The following CCDC171 variants were observed in gnomAD, a reference collection of about 807,000 sequenced individuals.
The protein encoded by CCDC171 is coiled-coil domain-containing protein 171.
In CCDC171, 177 loss-of-function variants were observed where a neutral mutation model predicts 168.2. That is an observed-to-expected ratio of 1.05 (90% CI 0.93 to 1.19). CCDC171 has a LOEUF of 1.19. Ranked by LOEUF, CCDC171 falls within the 50% of genes most tolerant of loss-of-function variation. The probability of loss-of-function intolerance (pLI) is 0.00; values close to 1 mark genes in which losing one functional copy is unlikely to be tolerated. For synonymous variants in CCDC171, 687 were observed against 540.8 expected (o/e 1.27, Z -3.75); for missense variants, 1,991 against 1,539.0 (o/e 1.29, Z -4.91).
At chr9:16,083,270 G>C in the CCDC171 span, among the ~76,000 whole-genome samples, 1 of 152,092 alleles carries the variant, frequency 6.6e-6, no homozygotes. Context: ...AGCATACACT[G>C]TTATCCCTGC....
chr9:15,752,046 C>G (rs1266568373), intron 18 of CCDC171, among the ~76,000 whole-genome samples: 2 of 152,076 alleles, frequency 1.3e-5, no homozygotes, highest in Admixed American at 6.5e-5. Flanking sequence ...CTACAAAGAA[C>G]TTAAACAAAT....
rs1358922382 is a variant in CCDC171 at position 15,568,748 on chromosome 9, TG to T, written c.42-2875del. Among the ~76,000 whole-genome samples, 6 of 149,444 alleles carry T rather than the reference TG, an allele frequency of 4.0e-5. No homozygotes were observed. The East Asian group carries it at 1.2e-3, about 29-fold the overall frequency. On this transcript the variant is annotated intron_variant, in intron 2 of 25. Transcript: ENST00000380701. ...TTTATGTCCTTTGCCCACTTTTTAA[TG>T]TTTTTTTTTCTTGTAAATTTGTTTA...
intron 7 of CCDC171, 62 bp downstream of exon 7, chr9:15,623,475 G>GCTCACACACACACA: frequency 6.4e-6 from 2 of 311,464 alleles, no homozygotes; most frequent in Non-Finnish European, 1.2e-5. Context: ...GCGCGCGCGC[G>GCTCACACACACACA]CACACACACA....
At chr9:15,936,302 A>G (rs1044696995) in intron 25 of CCDC171, among the ~76,000 whole-genome samples, 1 of 152,044 alleles carries the variant, frequency 6.6e-6, no homozygotes, top group South Asian at 2.1e-4. Flanking sequence ...GCACCAAGCC[A>G]CAAAAAAAAA....
chr9:16,091,148 T>C, the CCDC171 span, among the ~76,000 whole-genome samples: 1 of 152,162 alleles, frequency 6.6e-6, no homozygotes, highest in African/African-American at 2.4e-5. Flanking sequence ...GCTGCCTGAT[T>C]AGTCTGCTAG....
At chr9:15,665,094 C>T (rs1014464307) in intron 8 of CCDC171, among the ~76,000 whole-genome samples, 2 of 152,086 alleles carry the variant, frequency 1.3e-5, no homozygotes, top group African/African-American at 4.8e-5. Flanking sequence ...CTCTTACCTC[C>T]TGGAACTCTC....
chr9:15,591,769 G>T (rs1014007241), intron 5 of CCDC171, among the ~76,000 whole-genome samples: 1 of 151,880 alleles, frequency 6.6e-6, no homozygotes. Context: ...GTTTGCGGTC[G>T]CTAATCAAAA....
intron 21 of CCDC171, among the ~76,000 whole-genome samples, chr9:15,834,091 A>G (rs2060343457): frequency 6.6e-6 from 1 of 152,200 alleles, no homozygotes; most frequent in Non-Finnish European, 1.5e-5. Flanking sequence ...ATTAATAAAT[A>G]GTACATTGTA....
chr9:15,829,304 A>C (rs1237111080), intron 21 of CCDC171, among the ~76,000 whole-genome samples: 1 of 152,198 alleles, frequency 6.6e-6, no homozygotes, highest in African/African-American at 2.4e-5. Flanking sequence ...TTGAGGGATT[A>C]GCAAAGGCAG....
the CCDC171 span, among the ~76,000 whole-genome samples, chr9:16,087,082 G>A: frequency 6.6e-6 from 1 of 152,206 alleles, no homozygotes. Context: ...TGATTGCACT[G>A]TGGTCTGAGA....
At chr9:15,900,619 T>C (rs916988323) in intron 24 of CCDC171, among the ~76,000 whole-genome samples, 1 of 152,224 alleles carries the variant, frequency 6.6e-6, no homozygotes, top group East Asian at 1.9e-4. Context: ...TAATTTGTTA[T>C]GCAGCATGCA....
At chr9:15,947,200 C>T (rs1828509906) in intron 25 of CCDC171, among the ~76,000 whole-genome samples, 1 of 151,844 alleles carries the variant, frequency 6.6e-6, no homozygotes, top group Non-Finnish European at 1.5e-5. Flanking sequence ...ATTATAGTTG[C>T]ATATATATCA....
chr9:15,871,478 G>GC (rs145087287), intron 23 of CCDC171, among the ~76,000 whole-genome samples: 54,480 of 151,260 alleles, frequency 0.36, 12,199 homozygotes, highest in East Asian at 0.63. Context: ...TTTCCTTTTA[G>GC]GAAAAAAATA....
intron 22 of CCDC171, among the ~76,000 whole-genome samples, chr9:15,847,577 G>A (rs1051591903): frequency 1.3e-5 from 2 of 151,898 alleles, no homozygotes; most frequent in African/African-American, 4.8e-5. Context: ...ACAACAGCAT[G>A]GCTTAAAGAA....
At chr9:15,765,395 A>C (rs1056879962) in intron 18 of CCDC171, among the ~76,000 whole-genome samples, 15 of 152,168 alleles carry the variant, frequency 9.9e-5, no homozygotes, top group Admixed American at 5.9e-4. Flanking sequence ...GAGGGAAGGC[A>C]CAATTGGCAG....
chr9:16,059,861 A>C, intron 1 of CCDC171, among the ~76,000 whole-genome samples: 6 of 151,688 alleles, frequency 4.0e-5, no homozygotes, highest in Non-Finnish European at 8.8e-5. Context: ...CTTGCAAGTG[A>C]GTGAGTCAGT....
rs1823014086 is a variant in CCDC171, at chr9:15,908,189, T to G, written c.3601-12081T>G. Among the ~76,000 whole-genome samples, 2 of 152,068 alleles carry G rather than the reference T, an allele frequency of 1.3e-5. 1 individual carries two copies. The highest frequency in any genetic ancestry group is 4.8e-5 in the African/African-American group (2 of 41,394). ...CAAAGGACTATAAATCATGCTGCTA[T>G]AAAGACACATGCACACGTATGTTTA... is the stretch of plus-strand genomic sequence containing the variant. On this transcript the variant is annotated intron_variant, in intron 24 of 25. Coordinates refer to ENST00000380701, the MANE Select transcript of CCDC171 (RefSeq NM_173550.4).
At chr9:15,683,640 T>C (rs2050188621) in intron 10 of CCDC171, among the ~76,000 whole-genome samples, 1 of 152,106 alleles carries the variant, frequency 6.6e-6, no homozygotes, top group Admixed American at 6.5e-5. Flanking sequence ...AATATTCCTT[T>C]TAGGAGGCTG....
At chr9:16,068,266 C>T in the CCDC171 span, among the ~76,000 whole-genome samples, 1 of 151,540 alleles carries the variant, frequency 6.6e-6, no homozygotes, top group East Asian at 1.9e-4. Context: ...TGAAGGACCT[C>T]TTCAAGGAGA....
Sources: gnomAD v4.1 joint callset for allele counts (sites outside exome capture counted in the v4.1 genomes callset) on GRCh38, gnomAD v4.1.1 for gene constraint, MANE v1.5 for transcripts, NCBI Gene and HGNC (gene_info 2026-07-23, HGNC 2026-07-21) for gene names.